The following DGKD variants were observed in gnomAD, a reference collection of about 807,000 sequenced individuals.
DGKD encodes DAG kinase delta.
Under a neutral mutation model 154.4 loss-of-function variants are expected in DGKD, and 68 were observed. That is an observed-to-expected ratio of 0.44 (90% confidence interval 0.36 to 0.54). The LOEUF is 0.54. Among genes scored for constraint, DGKD ranks in the 20% least tolerant of loss-of-function variants. The pLI, the probability that DGKD is intolerant of heterozygous loss-of-function variation, is 0.00. For synonymous variants in DGKD, 693 were observed against 638.0 expected (o/e 1.09, Z -1.30); for missense variants, 1,343 against 1,593.6 (o/e 0.84, Z 2.68).
intron 2 of DGKD, 114 bp downstream of exon 2, chr2:233,388,481 T>G: frequency 9.9e-7 from 1 of 1,008,776 alleles, no homozygotes; most frequent in Non-Finnish European, 1.4e-6. Flanking sequence ...AGATCTGTTA[T>G]TGCCAGTGAG....
intron 1 of DGKD, among the ~76,000 whole-genome samples, chr2:233,374,812 T>A (rs1320358414): frequency 1.3e-5 from 2 of 151,590 alleles, no homozygotes; most frequent in Admixed American, 6.6e-5. Flanking sequence ...CAGCCAATTT[T>A]AAAAGTTTTT....
chr2:233,451,837 A>G, intron 17 of DGKD, 127 bp from the exon 18 acceptor site: 2 of 799,710 alleles, frequency 2.5e-6, no homozygotes, highest in Non-Finnish European at 3.9e-6. Flanking sequence ...GGTTATACAT[A>G]ATTTTAGAAA....
chr2:233,462,770 C>A, intron 26 of DGKD, 35 bp downstream of exon 26: 3 of 1,589,308 alleles, frequency 1.9e-6, no homozygotes, highest in Non-Finnish European at 2.6e-6. Flanking sequence ...AGGGCTCGGG[C>A]TGTGTGTGAA....
chr2:233,410,268 G>T (rs370890956), intron 3 of DGKD, among the ~76,000 whole-genome samples: 6 of 152,122 alleles, frequency 3.9e-5, no homozygotes, highest in South Asian at 2.1e-4. Context: ...AAAGAGGGGG[G>T]GCTCAAGGGA....
At chr2:233,446,873 C>G (rs1329405129) in intron 12 of DGKD, 77 bp downstream of exon 12, 8 of 1,542,014 alleles carry the variant, frequency 5.2e-6, no homozygotes, top group South Asian at 1.2e-5. Context: ...TTTGCATCAC[C>G]TCCCTTGCAG....
chr2:233,465,365 G>A (rs2063792589), intron 27 of DGKD, among the ~76,000 whole-genome samples: 1 of 152,228 alleles, frequency 6.6e-6, no homozygotes, highest in African/African-American at 2.4e-5. Flanking sequence ...ACATGGACGG[G>A]GGGAGGAAAG....
In DGKD at chr2:233,441,775, G is replaced by A. The variant is rs942623620; in HGVS notation, c.1086-112G>A. The A allele has an allele frequency of 1.7e-5, 16 of 937,980 alleles. No individual in the cohort carries two copies. In the Admixed American group the frequency reaches 3.4e-4, roughly 20 times the overall value. The allele number at this position is 937,980 out of a possible 1,614,324, so 58.1% of individuals were successfully genotyped here. ...CAGGGCCTGTGCGTGCTCTGCCTCT[G>A]GTGCAGGTCAGCCATGAGGAGCACA... is the stretch of plus-strand genomic sequence containing the variant. On this transcript the variant is annotated intron_variant, in intron 9 of 29. Transcript: ENST00000264057. The surrounding 1 kb of genome is among the most constrained non-coding windows in gnomAD (Gnocchi z 5.6).
rs1438841241 is a variant in DGKD, at chr2:233,438,316, G to T, written c.1022G>T (p.Arg341Ile). Reference protein sequence around the residue: ...GDNQGVKFLRRFKQLLNPAQV... With the variant: ...GDNQGVKFLRIFKQLLNPAQV... ...AACCAGGGTGTGAAGTTCCTCAGAA[G>T]ATTCAAACAGCTACTAAACCCCGCC... Residue 341 changes from arginine to isoleucine, a missense_variant, in exon 9 of 30, where the codon AGA (arginine) becomes ATA (isoleucine). Physicochemically the swap from Arg to Ile is moderately conservative, Grantham distance 97. Transcript: ENST00000264057. This position sits in a 1 kb window ranked among gnomAD's most constrained non-coding sequence, Gnocchi z 4.1. 6.2e-7 allele frequency: 1 copy of T among 1,614,084 alleles called. No homozygotes were observed. The highest frequency in any genetic ancestry group is 8.5e-7 in the Non-Finnish European group (1 of 1,180,042).
At chr2:233,410,154 G>A (rs1470555149) in intron 3 of DGKD, among the ~76,000 whole-genome samples, 1 of 152,060 alleles carries the variant, frequency 6.6e-6, no homozygotes, top group Non-Finnish European at 1.5e-5. Flanking sequence ...TTGTTCATTG[G>A]CTGCAAAGCT....
In DGKD at chr2:233,449,940, T is replaced by C. The variant is rs372990825; in HGVS notation, c.1889-42T>C. ...CACCCAGCCTGACAGCGCCCTTGGC[T>C]TTGCACCCGCGTGCTCAGCCGCACA... On this transcript the variant is annotated intron_variant, in intron 15 of 29. Coordinates refer to ENST00000264057, the MANE Select transcript of DGKD (RefSeq NM_152879.3). This position sits in a 1 kb window ranked among gnomAD's most constrained non-coding sequence, Gnocchi z 5.3. The C allele has an allele frequency of 7.2e-6, 11 of 1,530,894 alleles. No homozygotes were observed. In the African/African-American group the frequency reaches 1.5e-4, roughly 21 times the overall value. The allele number at this position is 1,530,894 out of a possible 1,614,324, so 94.8% of individuals were successfully genotyped here.
chr2:233,458,217 G>A lies in DGKD; in HGVS notation c.2581-67G>A. On this transcript the variant is annotated intron_variant, in intron 21 of 29. Coordinates refer to ENST00000264057, the MANE Select transcript of DGKD (RefSeq NM_152879.3). The surrounding 1 kb of genome is among the most constrained non-coding windows in gnomAD (Gnocchi z 6.6). ...GGGCTGACCCCCAGAGGGAGGGAGT[G>A]AGGGTAGGGGCGGCCTGTGCTCGGG... The A allele has an allele frequency of 2.9e-6, 3 of 1,036,294 alleles. No homozygotes were observed. Among genetic ancestry groups the A allele is most frequent in the Non-Finnish European group, 4.4e-6 (3 of 680,330 alleles). The allele number at this position is 1,036,294 out of a possible 1,614,324, so 64.2% of individuals were successfully genotyped here. A position where few individuals can be genotyped will look rare whatever the true frequency, so the allele number is the denominator to read the frequency against.
At chr2:233,433,012 C>T (rs2062580887) in intron 3 of DGKD, among the ~76,000 whole-genome samples, 1 of 152,152 alleles carries the variant, frequency 6.6e-6, no homozygotes, top group South Asian at 2.1e-4. Context: ...TTAGCACAGC[C>T]ACCATGGAGA....
intron 24 of DGKD, among the ~76,000 whole-genome samples, chr2:233,461,339 C>T (rs760451990): frequency 2.6e-5 from 4 of 152,264 alleles, no homozygotes; most frequent in African/African-American, 4.8e-5. Flanking sequence ...CCCGGCATGC[C>T]GTGTGCCCTT....
chr2:233,443,929 G>A (rs2062980540), intron 10 of DGKD, among the ~76,000 whole-genome samples: 1 of 152,134 alleles, frequency 6.6e-6, no homozygotes, highest in Admixed American at 6.5e-5. Flanking sequence ...GCCGCCTCGG[G>A]GTTTCTTGTC....
intron 3 of DGKD, among the ~76,000 whole-genome samples, chr2:233,392,791 C>T (rs1703712825): frequency 1.3e-5 from 2 of 152,066 alleles, no homozygotes; most frequent in South Asian, 4.2e-4. Flanking sequence ...CTTTTTGAGT[C>T]CACATCTGTA....
chr2:233,395,708 G>T (rs760246260), intron 3 of DGKD, among the ~76,000 whole-genome samples: 1 of 134,934 alleles, frequency 7.4e-6, no homozygotes, highest in African/African-American at 2.8e-5. Flanking sequence ...TTACTCTGTC[G>T]CCCGGGCTGG....
intron 26 of DGKD, chr2:233,463,838 C>G: frequency 3.0e-6 from 1 of 330,546 alleles, no homozygotes; most frequent in Non-Finnish European, 5.8e-6. Flanking sequence ...GCTGACTTTG[C>G]TTCCCACAGC....
chr2:233,376,521 C>A (rs1702579578), intron 1 of DGKD, among the ~76,000 whole-genome samples: 1 of 152,136 alleles, frequency 6.6e-6, no homozygotes, highest in Non-Finnish European at 1.5e-5. Context: ...CTTCTCCTTG[C>A]CCATGGTTCT....
rs2064003004 is a variant in DGKD at position 233,471,185 on chromosome 2, A to C, written c.*1725A>C. Reference sequence around the variant, plus strand: ...GCCAGGCCTTGGGTTTCCCCAGCACAGCCTCCTGTCGCTGCATGCGACGTG... The same window carrying C: ...GCCAGGCCTTGGGTTTCCCCAGCACCGCCTCCTGTCGCTGCATGCGACGTG... On this transcript the variant is annotated 3_prime_UTR_variant, in exon 30 of 30. Transcript: ENST00000264057. The C allele has an allele frequency of 6.6e-6, 1 of 152,348 alleles. No individual in the cohort carries two copies. Among genetic ancestry groups the C allele is most frequent in the Non-Finnish European group, 1.5e-5 (1 of 68,048 alleles). The allele number at this position is 152,348 out of a possible 1,614,324, so 9.4% of individuals were successfully genotyped here.
Sources: allele counts gnomAD v4.1 joint callset (sites outside exome capture counted in the v4.1 genomes callset), GRCh38; gene constraint gnomAD v4.1.1; non-coding constraint Gnocchi (gnomAD v3.1); transcripts MANE v1.5; gene names NCBI Gene and HGNC (gene_info 2026-07-23, HGNC 2026-07-21).